Variants in NCAM2 observed in about 807,000 individuals in gnomAD.
NCAM2 encodes neural cell adhesion molecule 2.
A neutral mutation model predicts 98.1 loss-of-function variants in NCAM2; 30 were observed. The ratio of observed to expected loss-of-function variants is 0.31; its 90% CI spans 0.23 to 0.41. NCAM2 has a LOEUF of 0.41. Ranked by LOEUF, NCAM2 falls within the 10% of genes least tolerant of loss-of-function variation. NCAM2 has a pLI of 1.00. For missense variants in NCAM2, 867 were observed against 1,005.8 expected (o/e 0.86, Z 1.87); for synonymous variants, 368 against 342.4 (o/e 1.07, Z -0.83).
chr21:21,042,427 A>G lies in NCAM2; in HGVS notation c.55+43809A>G, dbSNP rs533500923. 7.9e-5 allele frequency among the ~76,000 whole-genome samples: 12 copies of G among 151,982 alleles called. No individual in the cohort carries two copies. The South Asian group carries it at 1.5e-3, about 18-fold the overall frequency. On this transcript the variant is annotated intron_variant, in intron 1 of 17. Coordinates refer to ENST00000400546, the MANE Select transcript of NCAM2 (RefSeq NM_004540.5). ...TCAAACTCCTGACCTCAGGTGATCC[A>G]CCCGCCTCGGCCTCCCAAAGTGCTG...
chr21:21,179,072 A>G (rs1479556108), intron 1 of NCAM2, among the ~76,000 whole-genome samples: 1 of 152,132 alleles, frequency 6.6e-6, no homozygotes, highest in Admixed American at 6.6e-5. Flanking sequence ...GCTGCCTCTG[A>G]ACTTTTATGC....
intron 1 of NCAM2, among the ~76,000 whole-genome samples, chr21:21,109,978 T>C (rs1055438228): frequency 1.3e-5 from 2 of 152,224 alleles, no homozygotes; most frequent in Non-Finnish European, 1.5e-5. Context: ...GAGTATGTAA[T>C]GTGTTTTGTC....
chr21:21,542,434 C>T lies in NCAM2; in HGVS notation c.*4477C>T, dbSNP rs193140700. The T allele has an allele frequency of 2.4e-4, 36 of 151,924 alleles. No individual in the cohort carries two copies. The highest frequency in any genetic ancestry group is 8.7e-4 in the African/African-American group (36 of 41,528). 9.4% of individuals were successfully genotyped at this position (151,924 alleles called of 1,614,324 possible). ...ATAAATATATTATTTGTTATTACCTCTTTAAATTTTCATTTTATACAATTT... is the reference window on the plus strand; with the variant it reads ...ATAAATATATTATTTGTTATTACCTTTTTAAATTTTCATTTTATACAATTT... On this transcript the variant is annotated 3_prime_UTR_variant, in exon 18 of 18. Transcript: ENST00000400546.
Position 21,430,394 on chromosome 21 carries a change from T to TTATATATATATATA in NCAM2, c.1481-1705_1481-1704insATATATATATATAT, listed in dbSNP as rs548093741. ...TGTACTGCATATTTATCAGTCAAGT[T>TTATATATATATATA]TATATATATTAGCCCATTCTCACAC... On this transcript the variant is annotated intron_variant, in intron 11 of 17. Coordinates refer to ENST00000400546, the MANE Select transcript of NCAM2 (RefSeq NM_004540.5). 1.2e-4 allele frequency among the ~76,000 whole-genome samples: 15 copies of TTATATATATATATA among 125,032 alleles called. 1 individual carries two copies. Among genetic ancestry groups the TTATATATATATATA allele is most frequent in the Non-Finnish European group, 1.2e-4 (7 of 56,158 alleles). 82.0% of individuals were successfully genotyped at this position (125,032 alleles called of 152,430 possible).
At chr21:21,010,770 A>T (rs976587046) in intron 1 of NCAM2, among the ~76,000 whole-genome samples, 9 of 152,112 alleles carry the variant, frequency 5.9e-5, no homozygotes, top group Non-Finnish European at 1.3e-4. Flanking sequence ...TGGATGTGTG[A>T]TGGAAGAAGA....
intron 9 of NCAM2, among the ~76,000 whole-genome samples, chr21:21,379,278 T>C (rs913869126): frequency 6.6e-6 from 1 of 152,106 alleles, no homozygotes; most frequent in African/African-American, 2.4e-5. Flanking sequence ...TCTGGCTTTA[T>C]CTTCATTATT....
rs186172914 is a variant in NCAM2, at chr21:21,142,538, C to T, written c.56-138040C>T. On this transcript the variant is annotated intron_variant, in intron 1 of 17. Coordinates refer to ENST00000400546, the MANE Select transcript of NCAM2 (RefSeq NM_004540.5). ...GGACTACAGGCGTCCGCCACCAGGC[C>T]TGGCTAATTTTTTTGTATTTTTGAA... is the stretch of plus-strand genomic sequence containing the variant. Among the ~76,000 whole-genome samples, 238 of 124,828 alleles carry T rather than the reference C, an allele frequency of 1.9e-3. 2 individuals are homozygous for T. The highest frequency in any genetic ancestry group is 7.4e-3 in the African/African-American group (220 of 29,704). 81.9% of individuals were successfully genotyped at this position (124,828 alleles called of 152,430 possible).
chr21:21,227,904 A>G (rs2070453844), intron 1 of NCAM2, among the ~76,000 whole-genome samples: 1 of 151,810 alleles, frequency 6.6e-6, no homozygotes, highest in African/African-American at 2.4e-5. Context: ...TATGATTGTT[A>G]AGTAAGGGAA....
In NCAM2 at chr21:21,453,526, A is replaced by T. The variant is rs9977705; in HGVS notation, c.1655-13080A>T. 6.6e-5 allele frequency among the ~76,000 whole-genome samples: 10 copies of T among 152,172 alleles called. No individual in the cohort carries two copies. In the South Asian group the frequency reaches 1.9e-3, roughly 28 times the overall value. The stretch of plus-strand genomic sequence containing the variant: ...ATGGAACCTTATTGAAAATCTCGTA[A>T]GTAATTCTAGAAAGGAGTATAGGAG... On this transcript the variant is annotated intron_variant, in intron 12 of 17. Coordinates refer to ENST00000400546, the MANE Select transcript of NCAM2 (RefSeq NM_004540.5).
chr21:21,390,065 G>A (rs528032821), intron 9 of NCAM2, among the ~76,000 whole-genome samples: 58 of 152,212 alleles, frequency 3.8e-4, no homozygotes, highest in Non-Finnish European at 4.3e-4. Flanking sequence ...GACCAGGATG[G>A]TCTCTATCTC....
chr21:21,474,650 T>C (rs376068976), intron 14 of NCAM2, among the ~76,000 whole-genome samples: 5 of 152,176 alleles, frequency 3.3e-5, no homozygotes, highest in South Asian at 2.1e-4. Context: ...CATCGTTACA[T>C]AGAAAGTACT....
chr21:21,116,946 A>C (rs2066574522), intron 1 of NCAM2, among the ~76,000 whole-genome samples: 1 of 152,338 alleles, frequency 6.6e-6, no homozygotes, highest in Non-Finnish European at 1.5e-5. Context: ...TTAAAATTTT[A>C]AGGCGATAAT....
chr21:21,453,863 G>A (rs1053599694), intron 12 of NCAM2, among the ~76,000 whole-genome samples: 3 of 152,104 alleles, frequency 2.0e-5, no homozygotes, highest in Admixed American at 6.6e-5. Flanking sequence ...AATATAAGGC[G>A]ATGTTTATAG....
chr21:21,167,175 C>T (rs1203151410), intron 1 of NCAM2, among the ~76,000 whole-genome samples: 2 of 151,860 alleles, frequency 1.3e-5, no homozygotes, highest in East Asian at 1.9e-4. Context: ...TTAAAGTGAA[C>T]GTTCTTGTGT....
At chr21:21,180,188 A>T (rs1035908349) in intron 1 of NCAM2, among the ~76,000 whole-genome samples, 1 of 152,158 alleles carries the variant, frequency 6.6e-6, no homozygotes, top group African/African-American at 2.4e-5. Context: ...AACTCTTAAG[A>T]CCCAGACCTC....
chr21:21,275,861 A>G (rs1568871888), intron 1 of NCAM2, among the ~76,000 whole-genome samples: 1 of 152,120 alleles, frequency 6.6e-6, no homozygotes, highest in African/African-American at 2.4e-5. Flanking sequence ...TGCCAATTTT[A>G]TCATGTATGT....
chr21:21,099,308 C>A (rs2066189908), intron 1 of NCAM2, among the ~76,000 whole-genome samples: 1 of 151,798 alleles, frequency 6.6e-6, no homozygotes, highest in Admixed American at 6.6e-5. Flanking sequence ...ACTAAAGGTA[C>A]AAATAAATGA....
intron 1 of NCAM2, among the ~76,000 whole-genome samples, chr21:21,168,714 AATATT>A (rs2068030031): frequency 1.3e-5 from 2 of 152,176 alleles, no homozygotes; most frequent in Admixed American, 1.3e-4. Flanking sequence ...TCCAAAATGA[AATATT>A]AGAGTATAAA....
chr21:21,186,301 G>T (rs1018419588), intron 1 of NCAM2, among the ~76,000 whole-genome samples: 2 of 151,820 alleles, frequency 1.3e-5, no homozygotes, highest in African/African-American at 2.4e-5. Flanking sequence ...CTTTGATTTG[G>T]CCAGAAAATT....
Sources: allele counts gnomAD v4.1 joint callset (sites outside exome capture counted in the v4.1 genomes callset), GRCh38; gene constraint gnomAD v4.1.1; transcripts MANE v1.5; gene names NCBI Gene and HGNC (gene_info 2026-07-23, HGNC 2026-07-21).